The following ANKFN1 variants were observed in gnomAD, a reference collection of about 807,000 sequenced individuals.
The protein encoded by ANKFN1 is ankyrin repeat and fibronectin type-III domain-containing protein 1.
A neutral mutation model predicts 108.7 loss-of-function variants in ANKFN1; 74 were observed. That is an observed-to-expected ratio of 0.68 (90% CI 0.56 to 0.83). ANKFN1 has a LOEUF of 0.83. Ranked by LOEUF, ANKFN1 falls within the 40% of genes least tolerant of loss-of-function variation. The pLI is 0.00. For synonymous variants in ANKFN1, 547 were observed against 516.2 expected (o/e 1.06, Z -0.81); for missense variants, 1,505 against 1,382.3 (o/e 1.09, Z -1.41).
intron 4 of ANKFN1, among the ~76,000 whole-genome samples, chr17:56,125,434 C>T (rs772159465): frequency 5.3e-5 from 8 of 152,156 alleles, no homozygotes; most frequent in African/African-American, 7.2e-5. Flanking sequence ...AGAAGACTCC[C>T]TGAAGGTCTC....
chr17:56,490,802 A>C (rs764583), intron 18 of ANKFN1, among the ~76,000 whole-genome samples: 92,930 of 151,744 alleles, frequency 0.61, 29,546 homozygotes, highest in East Asian at 0.87. Context: ...AGTTGAGAAA[A>C]ACCTCCTTGA....
intron 4 of ANKFN1, among the ~76,000 whole-genome samples, chr17:56,120,281 A>AG (rs1906534395): frequency 6.6e-6 from 1 of 151,720 alleles, no homozygotes; most frequent in African/African-American, 2.4e-5. Flanking sequence ...TCTACATCTC[A>AG]CTCCATTCTG....
chr17:56,182,980 A>G (rs562583526), intron 1 of ANKFN1, among the ~76,000 whole-genome samples: 15 of 152,328 alleles, frequency 9.8e-5, no homozygotes, highest in African/African-American at 3.6e-4. Flanking sequence ...TTTACAGCAT[A>G]CGGTTTACTG....
intron 4 of ANKFN1, among the ~76,000 whole-genome samples, chr17:56,122,528 G>A (rs1906688353): frequency 1.3e-5 from 2 of 152,062 alleles, no homozygotes; most frequent in South Asian, 4.1e-4. Context: ...TATATGAATG[G>A]ATAGATTGTT....
intron 1 of ANKFN1, among the ~76,000 whole-genome samples, chr17:56,155,445 A>T (rs982269821): frequency 4.6e-5 from 7 of 152,224 alleles, no homozygotes; most frequent in African/African-American, 1.7e-4. Context: ...CTTCATTCCA[A>T]TATAGTCTTT....
At chr17:56,298,977 C>A (rs1051341066) in intron 3 of ANKFN1, among the ~76,000 whole-genome samples, 2 of 152,172 alleles carry the variant, frequency 1.3e-5, no homozygotes, top group Non-Finnish European at 2.9e-5. Context: ...TAGACTGGAA[C>A]AGTCTTGGAA....
intron 8 of ANKFN1, among the ~76,000 whole-genome samples, chr17:56,388,508 T>C (rs2047338921): frequency 6.6e-6 from 1 of 152,230 alleles, no homozygotes; most frequent in South Asian, 2.1e-4. Context: ...AATACTGCAC[T>C]CCTCTGCACT....
At chr17:56,364,071 G>A (rs1046458457) in intron 6 of ANKFN1, among the ~76,000 whole-genome samples, 11 of 152,054 alleles carry the variant, frequency 7.2e-5, no homozygotes, top group Admixed American at 2.0e-4. Flanking sequence ...TGGTAAAAGA[G>A]TAAATTCCAA....
At chr17:56,126,687 G>A (rs1257719703) in intron 4 of ANKFN1, among the ~76,000 whole-genome samples, 1 of 152,206 alleles carries the variant, frequency 6.6e-6, no homozygotes, top group African/African-American at 2.4e-5. Flanking sequence ...TCTCCCAGAT[G>A]ATTTGTAAGG....
intron 3 of ANKFN1, among the ~76,000 whole-genome samples, chr17:56,282,298 G>C (rs2044104644): frequency 6.6e-6 from 1 of 151,946 alleles, no homozygotes; most frequent in South Asian, 2.1e-4. Context: ...GTGTTTGTGT[G>C]TGTGTGTGTG....
At chr17:56,488,809 G>C (rs1422551785) in intron 18 of ANKFN1, among the ~76,000 whole-genome samples, 1 of 152,234 alleles carries the variant, frequency 6.6e-6, no homozygotes, top group Non-Finnish European at 1.5e-5. Context: ...TAGTGAGTTA[G>C]ATATCCTTAG....
chr17:56,398,443 G>A (rs2047651992), intron 8 of ANKFN1, among the ~76,000 whole-genome samples: 1 of 152,046 alleles, frequency 6.6e-6, no homozygotes, highest in African/African-American at 2.4e-5. Flanking sequence ...TGAGTACAAA[G>A]GTCATAACTT....
rs1332242395 is a variant in ANKFN1 at position 56,443,016 on chromosome 17, T to C, written c.1099+83T>C. The C allele has an allele frequency of 1.4e-5, 19 of 1,367,138 alleles. No homozygotes were observed. In the East Asian group the frequency reaches 4.2e-4, roughly 30 times the overall value. 84.7% of individuals were successfully genotyped at this position (1,367,138 alleles called of 1,614,324 possible). A position where few individuals can be genotyped will look rare whatever the true frequency, so the allele number is the denominator to read the frequency against. On this transcript the variant is annotated intron_variant, in intron 10 of 20. Coordinates refer to ENST00000682825, the MANE Select transcript of ANKFN1 (RefSeq NM_001370326.1). Reference sequence around the variant, plus strand: ...TCTTCAGGGTGCCATTGCCATTCCCTTCCCCCACTGCTTGCAACCCATAAG... The same window carrying C: ...TCTTCAGGGTGCCATTGCCATTCCCCTCCCCCACTGCTTGCAACCCATAAG...
At chr17:56,482,591 TC>T (rs747423745) in intron 18 of ANKFN1, 67 bp downstream of exon 18, 17 of 1,552,558 alleles carry the variant, frequency 1.1e-5, no homozygotes, top group Middle Eastern at 1.7e-4. Flanking sequence ...CAAAGTTATA[TC>T]TGTTCCCCCT....
At chr17:56,107,195 GGCTGGGGCT>G (rs1905767528) in intron 4 of ANKFN1, among the ~76,000 whole-genome samples, 1 of 152,166 alleles carries the variant, frequency 6.6e-6, no homozygotes, top group African/African-American at 2.4e-5. Context: ...GCGCTGGCTG[GGCTGGGGCT>G]GCAGAGCTTG....
intron 1 of ANKFN1, among the ~76,000 whole-genome samples, chr17:56,190,441 T>G (rs1414314109): frequency 7.7e-6 from 1 of 130,156 alleles, no homozygotes; most frequent in Non-Finnish European, 1.6e-5. Context: ...TCAAAGAACA[T>G]CTTTATTTCT....
At chr17:56,446,650 A>G (rs1325830297) in intron 10 of ANKFN1, among the ~76,000 whole-genome samples, 1 of 152,210 alleles carries the variant, frequency 6.6e-6, no homozygotes, top group Non-Finnish European at 1.5e-5. Flanking sequence ...AAACTCTGTA[A>G]TCCCAGTACT....
chr17:56,381,154 C>T (rs932270127), intron 8 of ANKFN1, among the ~76,000 whole-genome samples: 16 of 152,178 alleles, frequency 1.1e-4, no homozygotes, highest in Non-Finnish European at 1.6e-4. Flanking sequence ...CTGCAGCCAC[C>T]GCTGCTGATA....
Position 56,159,226 on chromosome 17 carries a change from A to G in ANKFN1, c.-71+5696A>G, listed in dbSNP as rs547318938. ...ATCAATATCCAGAAAATGATATTCC[A>G]TGTGAAGTGCGACATTTTGTTTTGT... On this transcript the variant is annotated intron_variant, in intron 1 of 20. Transcript: ENST00000682825. Among the ~76,000 whole-genome samples, 86 of 152,326 alleles carry G rather than the reference A, an allele frequency of 5.6e-4. 1 individual carries two copies. The highest frequency in any genetic ancestry group is 2.0e-3 in the African/African-American group (85 of 41,580).
Sources: gnomAD v4.1 joint callset for allele counts (sites outside exome capture counted in the v4.1 genomes callset) on GRCh38, gnomAD v4.1.1 for gene constraint, MANE v1.5 for transcripts, NCBI Gene and HGNC (gene_info 2026-07-23, HGNC 2026-07-21) for gene names.